DPYD: variants seen among roughly 807,000 people sequenced by gnomAD.
DPYD encodes the protein dihydropyrimidine dehydrogenase.
A neutral mutation model predicts 116.2 loss-of-function variants in DPYD; 109 were observed. The observed-to-expected ratio is 0.94, with a 90% CI of 0.80 to 1.10. DPYD has a LOEUF of 1.10. Among genes scored for constraint, DPYD ranks in the 50% least tolerant of loss-of-function variants. The pLI, the probability that DPYD is intolerant of heterozygous loss-of-function variation, is 0.00. For missense variants in DPYD, 1,302 were observed against 1,254.5 expected, an observed-to-expected ratio of 1.04 and a Z score of -0.57; for synonymous variants, 440 against 432.0, an observed-to-expected ratio of 1.02 and a Z score of -0.23.
intron 13 of DPYD, among the ~76,000 whole-genome samples, chr1:97,466,092 C>T (rs575909763): frequency 6.6e-6 from 1 of 152,218 alleles, no homozygotes; most frequent in South Asian, 2.1e-4. Flanking sequence ...CATGGAGAGA[C>T]CCTGTTTTTA....
intron 8 of DPYD, among the ~76,000 whole-genome samples, chr1:97,632,496 TG>T (rs903679126): frequency 1.3e-5 from 2 of 152,136 alleles, no homozygotes; most frequent in Admixed American, 6.6e-5. Flanking sequence ...TGCTGAAACC[TG>T]GACATGAATG....
chr1:97,465,216 C>T (rs978916951), intron 13 of DPYD, among the ~76,000 whole-genome samples: 1 of 152,112 alleles, frequency 6.6e-6, no homozygotes, highest in Non-Finnish European at 1.5e-5. Flanking sequence ...GTGTCTCTAC[C>T]CTCATTTTAT....
intron 11 of DPYD, among the ~76,000 whole-genome samples, chr1:97,551,858 CT>C (rs1651345293): frequency 6.6e-6 from 1 of 152,028 alleles, no homozygotes; most frequent in Admixed American, 6.6e-5. Flanking sequence ...CGTGTACATA[CT>C]TTTTTCTTTC....
At chr1:97,699,022 G>A (rs955845482) in intron 6 of DPYD, among the ~76,000 whole-genome samples, 6 of 151,818 alleles carry the variant, frequency 4.0e-5, no homozygotes, top group Non-Finnish European at 7.4e-5. Flanking sequence ...TAATATCCAG[G>A]ATTTTCAGTT....
intron 3 of DPYD, among the ~76,000 whole-genome samples, chr1:97,743,803 T>C (rs1255318169): frequency 6.6e-6 from 1 of 152,094 alleles, no homozygotes; most frequent in African/African-American, 2.4e-5. Context: ...ATTACACTTG[T>C]TTTCATCTTT....
At chr1:97,749,618 G>A (rs964734881) in intron 3 of DPYD, among the ~76,000 whole-genome samples, 1 of 152,110 alleles carries the variant, frequency 6.6e-6, no homozygotes, top group Admixed American at 6.5e-5. Flanking sequence ...ATCCATAATA[G>A]AGAATAGTTA....
intron 1 of DPYD, among the ~76,000 whole-genome samples, chr1:97,899,689 C>T (rs1673265536): frequency 6.6e-6 from 1 of 151,808 alleles, no homozygotes; most frequent in Non-Finnish European, 1.5e-5. Flanking sequence ...ACAAACAATA[C>T]AGAAAAATTT....
intron 19 of DPYD, among the ~76,000 whole-genome samples, chr1:97,217,168 A>C (rs1660465967): frequency 6.6e-6 from 1 of 152,208 alleles, no homozygotes. Context: ...AGATCATGCC[A>C]CTGCACTCCA....
intron 21 of DPYD, among the ~76,000 whole-genome samples, chr1:97,094,315 C>T (rs1371515900): frequency 6.6e-6 from 1 of 151,936 alleles, no homozygotes; most frequent in Non-Finnish European, 1.5e-5. Flanking sequence ...TTAAAAGACT[C>T]CTTCATAATA....
At chr1:97,136,664 G>A (rs1464774949) in intron 20 of DPYD, among the ~76,000 whole-genome samples, 2 of 152,088 alleles carry the variant, frequency 1.3e-5, no homozygotes, top group African/African-American at 2.4e-5. Flanking sequence ...AATTGTGCTG[G>A]AATCCAAGGG....
intron 5 of DPYD, chr1:97,720,427 A>G: frequency 1.0e-6 from 1 of 986,216 alleles, no homozygotes; most frequent in Non-Finnish European, 1.2e-6. Context: ...CATACTTCGT[A>G]GTGGTCAGGT....
chr1:97,552,566 T>G (rs1251838566), intron 11 of DPYD, among the ~76,000 whole-genome samples: 1 of 152,120 alleles, frequency 6.6e-6, no homozygotes, highest in Non-Finnish European at 1.5e-5. Flanking sequence ...TGTTATTATG[T>G]ATCCTTAAAC....
At chr1:97,736,095 T>C (rs1320946217) in intron 4 of DPYD, among the ~76,000 whole-genome samples, 1 of 151,860 alleles carries the variant, frequency 6.6e-6, no homozygotes, top group Non-Finnish European at 1.5e-5. Context: ...GAAAAATAAG[T>C]AGGACAAATA....
intron 16 of DPYD, among the ~76,000 whole-genome samples, chr1:97,314,175 C>G (rs577147327): frequency 9.2e-5 from 14 of 152,018 alleles, no homozygotes; most frequent in Non-Finnish European, 1.8e-4. Flanking sequence ...CACCTGAGGA[C>G]CCAGGCTGAC....
chr1:97,383,140 A>T (rs1672074802), intron 14 of DPYD, among the ~76,000 whole-genome samples: 1 of 152,094 alleles, frequency 6.6e-6, no homozygotes, highest in South Asian at 2.1e-4. Flanking sequence ...TAGTTTCCTG[A>T]TTGGTAAAAT....
chr1:97,357,801 T>C (rs768067298), intron 16 of DPYD, among the ~76,000 whole-genome samples: 1 of 152,186 alleles, frequency 6.6e-6, no homozygotes, highest in Non-Finnish European at 1.5e-5. Flanking sequence ...TTCTGAGTTA[T>C]TTCAATTAAG....
chr1:97,742,580 T>C (rs1040457076), intron 3 of DPYD, among the ~76,000 whole-genome samples: 5 of 152,140 alleles, frequency 3.3e-5, no homozygotes, highest in Admixed American at 1.3e-4. Flanking sequence ...ACACTATTGT[T>C]GAGTTCAAAA....
At chr1:97,289,450 C>T (rs533246046) in intron 18 of DPYD, among the ~76,000 whole-genome samples, 2,098 of 152,056 alleles carry the variant, frequency 0.014, 45 homozygotes, top group African/African-American at 0.048. Context: ...AAAATACTGG[C>T]AAAACGAATC....
chr1:97,842,882 G>C (rs1210595847), intron 2 of DPYD, among the ~76,000 whole-genome samples: 1 of 152,038 alleles, frequency 6.6e-6, no homozygotes, highest in African/African-American at 2.4e-5. Context: ...ACATTTTTTA[G>C]TTCTCATCTA....
Sources: gnomAD v4.1 joint callset for allele counts (sites outside exome capture counted in the v4.1 genomes callset) on GRCh38, gnomAD v4.1.1 for gene constraint, MANE v1.5 for transcripts, NCBI Gene and HGNC (gene_info 2026-07-23, HGNC 2026-07-21) for gene names.